The following PRKG1 variants were observed in gnomAD, a reference collection of about 807,000 sequenced individuals.
The protein encoded by PRKG1 is cGMP-dependent protein kinase 1.
Under a neutral mutation model 88.1 loss-of-function variants are expected in PRKG1, and 35 were observed. That is an observed-to-expected ratio of 0.40 (90% CI 0.30 to 0.53). The LOEUF is 0.53. PRKG1 is among the 20% of genes least tolerant of loss of function. PRKG1 has a pLI of 0.59. For missense variants in PRKG1, 540 were observed against 839.8 expected, an observed-to-expected ratio of 0.64 and a Z score of 4.41; for synonymous variants, 303 against 292.5, an observed-to-expected ratio of 1.04 and a Z score of -0.37.
At chr10:51,555,709 G>A (rs143782558) in intron 3 of PRKG1, among the ~76,000 whole-genome samples, 23 of 152,026 alleles carry the variant, frequency 1.5e-4, no homozygotes, top group African/African-American at 2.6e-4. Context: ...CAAGTGTATC[G>A]GAAAGTTTAG....
chr10:51,914,220 A>T (rs943101915), intron 5 of PRKG1, among the ~76,000 whole-genome samples: 1 of 142,194 alleles, frequency 7.0e-6, no homozygotes, highest in Non-Finnish European at 1.6e-5. Context: ...CAGTGAGAAA[A>T]TAAAAAAAAA....
At chr10:51,727,816 A>C (rs1437785785) in intron 3 of PRKG1, among the ~76,000 whole-genome samples, 1 of 152,166 alleles carries the variant, frequency 6.6e-6, no homozygotes, top group African/African-American at 2.4e-5. Flanking sequence ...TTATATTTTA[A>C]TATATTGAAG....
intron 9 of PRKG1, among the ~76,000 whole-genome samples, chr10:52,169,707 G>A (rs1030002600): frequency 2.0e-5 from 3 of 152,162 alleles, no homozygotes; most frequent in Admixed American, 6.5e-5. Context: ...GATGGAGCCC[G>A]CCTTGCAAAG....
At chr10:51,275,813 A>G (rs946995346) in intron 2 of PRKG1, among the ~76,000 whole-genome samples, 2 of 152,154 alleles carry the variant, frequency 1.3e-5, no homozygotes, top group Non-Finnish European at 2.9e-5. Context: ...GTTGACTGGG[A>G]TATATCAGGA....
chr10:51,929,876 A>G (rs1328957450), intron 5 of PRKG1, among the ~76,000 whole-genome samples: 2 of 152,232 alleles, frequency 1.3e-5, no homozygotes, highest in Admixed American at 6.5e-5. Flanking sequence ...GTTGCACAGA[A>G]CACCATGAAA....
intron 5 of PRKG1, among the ~76,000 whole-genome samples, chr10:52,044,578 G>T (rs1410173152): frequency 2.0e-5 from 3 of 152,130 alleles, no homozygotes; most frequent in African/African-American, 7.2e-5. Context: ...TTATCAAAGT[G>T]TTGTTTGTTG....
chr10:51,598,243 T>G (rs1460479128), intron 3 of PRKG1, among the ~76,000 whole-genome samples: 1 of 152,028 alleles, frequency 6.6e-6, no homozygotes, highest in East Asian at 1.9e-4. Flanking sequence ...TGCATCTTCA[T>G]TCTTTTAACT....
chr10:51,077,315 A>C (rs1032269511), intron 1 of PRKG1, among the ~76,000 whole-genome samples: 1 of 152,166 alleles, frequency 6.6e-6, no homozygotes, highest in African/African-American at 2.4e-5. Flanking sequence ...ATCTTTCTTA[A>C]ACATACATAT....
chr10:51,782,855 C>A (rs374945048), intron 3 of PRKG1, among the ~76,000 whole-genome samples: 5 of 152,218 alleles, frequency 3.3e-5, no homozygotes, highest in East Asian at 1.9e-4. Flanking sequence ...TCCAATTAAA[C>A]CATTTTCTTT....
chr10:51,016,641 A>G (rs1037630472), intron 1 of PRKG1, among the ~76,000 whole-genome samples: 2 of 128,454 alleles, frequency 1.6e-5, no homozygotes, highest in Non-Finnish European at 3.3e-5. Context: ...AATTCTAACC[A>G]TAACCCAGTG....
intron 3 of PRKG1, among the ~76,000 whole-genome samples, chr10:51,734,177 C>CA (rs1429346464): frequency 2.0e-5 from 3 of 152,008 alleles, no homozygotes; most frequent in African/African-American, 7.3e-5. Context: ...AAATTGTCAA[C>CA]ATTCATTCAA....
intron 3 of PRKG1, among the ~76,000 whole-genome samples, chr10:51,632,878 G>A (rs1279525696): frequency 6.6e-6 from 1 of 152,156 alleles, no homozygotes; most frequent in Non-Finnish European, 1.5e-5. Flanking sequence ...TTTTTAAACA[G>A]TAGTTTTCTT....
intron 2 of PRKG1, among the ~76,000 whole-genome samples, chr10:51,453,680 A>G (rs2132778084): frequency 6.6e-6 from 1 of 152,150 alleles, no homozygotes; most frequent in Middle Eastern, 3.4e-3. Flanking sequence ...GACACTTGAT[A>G]TAATTTTTAC....
chr10:51,930,634 G>A (rs1255409169), intron 5 of PRKG1, among the ~76,000 whole-genome samples: 1 of 151,564 alleles, frequency 6.6e-6, no homozygotes, highest in Non-Finnish European at 1.5e-5. Context: ...GGGATTACAG[G>A]CATGTGCCAT....
At chr10:52,150,009 A>C in intron 8 of PRKG1, among the ~76,000 whole-genome samples, 1 of 151,780 alleles carries the variant, frequency 6.6e-6, no homozygotes, top group East Asian at 1.9e-4. Flanking sequence ...TTAGCTGGGC[A>C]TGGTGGTGGG....
chr10:52,150,174 A>ATTATTATTATTATTATTATT (rs1554810270), intron 8 of PRKG1, among the ~76,000 whole-genome samples: 1 of 104,890 alleles, frequency 9.5e-6, no homozygotes, highest in African/African-American at 3.5e-5. Context: ...TAATAATAAT[A>ATTATTATTATTATTATTATT]ATAATAATAA....
chr10:51,354,487 T>C (rs946094847), intron 2 of PRKG1, among the ~76,000 whole-genome samples: 2 of 152,180 alleles, frequency 1.3e-5, no homozygotes, highest in African/African-American at 2.4e-5. Context: ...TTCTATTCTG[T>C]ATTTTTATCA....
At chr10:51,919,738 A>G (rs1428797912) in intron 5 of PRKG1, among the ~76,000 whole-genome samples, 1 of 151,470 alleles carries the variant, frequency 6.6e-6, no homozygotes, top group Non-Finnish European at 1.5e-5. Flanking sequence ...TGTTTTCTTA[A>G]TCCTTTTGTA....
chr10:51,777,324 G>T (rs374318987), intron 3 of PRKG1, among the ~76,000 whole-genome samples: 1 of 152,030 alleles, frequency 6.6e-6, no homozygotes, highest in African/African-American at 2.4e-5. Flanking sequence ...CATCTAGAAA[G>T]TACTGGAAAT....
Sources: allele counts gnomAD v4.1 joint callset (sites outside exome capture counted in the v4.1 genomes callset), GRCh38; gene constraint gnomAD v4.1.1; transcripts MANE v1.5; gene names NCBI Gene and HGNC (gene_info 2026-07-23, HGNC 2026-07-21).